COL25A1: variants seen among roughly 807,000 people sequenced by gnomAD.
COL25A1 encodes the protein collagen alpha-1(XXV) chain.
Under a neutral mutation model 128.4 loss-of-function variants are expected in COL25A1, and 103 were observed. The ratio of observed to expected loss-of-function variants is 0.80; its 90% confidence interval spans 0.68 to 0.94. COL25A1 has a LOEUF of 0.94. Among genes scored for constraint, COL25A1 ranks in the 40% least tolerant of loss-of-function variants. The pLI, the probability that COL25A1 is intolerant of heterozygous loss-of-function variation, is 0.00. For synonymous variants in COL25A1, 279 were observed against 277.2 expected, an observed-to-expected ratio of 1.01 and a Z score of -0.06; for missense variants, 745 against 840.0, an observed-to-expected ratio of 0.89 and a Z score of 1.40.
chr4:109,001,394 G>GTAGGCATCTGAGATCCTGTCAGC, intron 6 of COL25A1, among the ~76,000 whole-genome samples: 1 of 152,190 alleles, frequency 6.6e-6, no homozygotes, highest in African/African-American at 2.4e-5. Context: ...ATCCTGTCAG[G>GTAGGCATCTGAGATCCTGTCAGC]TAGGCATCTG....
At chr4:109,031,585 G>A (rs1264994491) in intron 5 of COL25A1, among the ~76,000 whole-genome samples, 3 of 152,152 alleles carry the variant, frequency 2.0e-5, no homozygotes, top group Middle Eastern at 3.2e-3. Context: ...AATGGCACTT[G>A]GAGCACTCAG....
chr4:109,058,256 A>G (rs933210657), intron 3 of COL25A1, among the ~76,000 whole-genome samples: 1 of 152,134 alleles, frequency 6.6e-6, no homozygotes, highest in Non-Finnish European at 1.5e-5. Context: ...AGGATCCTAC[A>G]GGGGATTTAT....
intron 11 of COL25A1, among the ~76,000 whole-genome samples, chr4:108,931,633 G>C (rs1746752713): frequency 6.6e-6 from 1 of 152,140 alleles, no homozygotes; most frequent in Non-Finnish European, 1.5e-5. Flanking sequence ...GTGACCTTTA[G>C]ACACCTCTGG....
chr4:109,258,125 T>A (rs1322759865), intron 3 of COL25A1, among the ~76,000 whole-genome samples: 3 of 152,188 alleles, frequency 2.0e-5, no homozygotes, highest in Middle Eastern at 3.2e-3. Flanking sequence ...CTCAGACTCA[T>A]CATTTCACAG....
chr4:108,821,814 G>A (rs1731799863), intron 35 of COL25A1, among the ~76,000 whole-genome samples: 1 of 152,054 alleles, frequency 6.6e-6, no homozygotes, highest in South Asian at 2.1e-4. Flanking sequence ...GTACATGAGA[G>A]CTCTTGATAA....
At chr4:108,909,473 CAT>C (rs1263191085) in intron 13 of COL25A1, among the ~76,000 whole-genome samples, 25 of 152,262 alleles carry the variant, frequency 1.6e-4, no homozygotes, top group Admixed American at 8.5e-4. Flanking sequence ...AAAAATTACA[CAT>C]GTCTAAAAAT....
chr4:109,073,896 T>C (rs573224366), intron 3 of COL25A1, among the ~76,000 whole-genome samples: 2 of 152,294 alleles, frequency 1.3e-5, no homozygotes, highest in South Asian at 4.1e-4. Context: ...GTTTAATAAA[T>C]AGAAAAACAA....
intron 3 of COL25A1, among the ~76,000 whole-genome samples, chr4:109,075,447 G>A (rs979673276): frequency 5.9e-5 from 9 of 151,928 alleles, no homozygotes; most frequent in East Asian, 5.8e-4. Context: ...CTAGAGTCAC[G>A]TTTGAAGGGG....
chr4:108,984,935 G>A (rs541935100), intron 6 of COL25A1, among the ~76,000 whole-genome samples: 2 of 152,342 alleles, frequency 1.3e-5, no homozygotes, highest in East Asian at 3.9e-4. Flanking sequence ...AGCAATATAG[G>A]TTTTATGAAG....
chr4:108,988,794 C>T lies in COL25A1; in HGVS notation c.439-14235G>A, dbSNP rs143841000. Among the ~76,000 whole-genome samples the T allele has an allele frequency of 1.1e-3, 164 of 152,340 alleles. 1 individual carries two copies. The highest frequency in any genetic ancestry group is 5.0e-3 in the East Asian group (26 of 5,184). The stretch of plus-strand genomic sequence containing the variant: ...GTAACATTTCACATGCTCACCATTT[C>T]TCCCTTAGCTTCACTGGCAACACTT... On this transcript the variant is annotated intron_variant, in intron 6 of 37. Transcript: ENST00000399132.
At chr4:108,855,010 T>G (rs1736308244) in intron 24 of COL25A1, among the ~76,000 whole-genome samples, 1 of 152,156 alleles carries the variant, frequency 6.6e-6, no homozygotes, top group Non-Finnish European at 1.5e-5. Flanking sequence ...GGTTCTGTGC[T>G]GAAAGTTCTA....
At chr4:109,283,310 T>C (rs1723562046) in intron 3 of COL25A1, among the ~76,000 whole-genome samples, 1 of 152,190 alleles carries the variant, frequency 6.6e-6, no homozygotes, top group South Asian at 2.1e-4. Context: ...TGCAGTGGCA[T>C]GGCCATGGCT....
chr4:109,202,330 A>T (rs976930487), intron 3 of COL25A1, among the ~76,000 whole-genome samples: 2 of 152,180 alleles, frequency 1.3e-5, no homozygotes, highest in African/African-American at 4.8e-5. Context: ...TTGATCATTG[A>T]CAAATGAGCA....
intron 5 of COL25A1, among the ~76,000 whole-genome samples, chr4:109,013,806 C>T (rs934221439): frequency 7.2e-5 from 11 of 152,166 alleles, no homozygotes; most frequent in African/African-American, 2.2e-4. Context: ...GAACAAACTC[C>T]GGACACACCA....
At chr4:109,012,693 C>T (rs114084351) in intron 5 of COL25A1, among the ~76,000 whole-genome samples, 10,070 of 152,260 alleles carry the variant, frequency 0.066, 371 homozygotes, top group East Asian at 0.1. Context: ...GAATTCTCAC[C>T]GGGCCTCAGC....
intron 19 of COL25A1, among the ~76,000 whole-genome samples, chr4:108,870,962 GAAGAAAAAA>G: frequency 6.6e-6 from 1 of 151,976 alleles, no homozygotes; most frequent in East Asian, 1.9e-4. Context: ...TAATAAAAGA[GAAGAAAAAA>G]AGAGTAAATG....
At chr4:108,832,486 A>G in intron 31 of COL25A1, 53 bp from the exon 32 acceptor site, 1 of 1,241,758 alleles carries the variant, frequency 8.1e-7, no homozygotes, top group Non-Finnish European at 1.2e-6. Context: ...AATAGCAGTT[A>G]TAATTTATCC....
At chr4:109,290,857 A>G (rs1326658938) in intron 3 of COL25A1, among the ~76,000 whole-genome samples, 1 of 152,134 alleles carries the variant, frequency 6.6e-6, no homozygotes, top group African/African-American at 2.4e-5. Flanking sequence ...TGCAGCCTGC[A>G]GGGACATGGG....
chr4:109,270,467 A>T (rs1406798561), intron 3 of COL25A1, among the ~76,000 whole-genome samples: 2 of 152,220 alleles, frequency 1.3e-5, no homozygotes, highest in African/African-American at 4.8e-5. Context: ...ACTCCCATTC[A>T]CAACTGCTTC....
Sources: allele counts gnomAD v4.1 joint callset (sites outside exome capture counted in the v4.1 genomes callset), GRCh38; gene constraint gnomAD v4.1.1; transcripts MANE v1.5; gene names NCBI Gene and HGNC (gene_info 2026-07-23, HGNC 2026-07-21).